Variants in TLK1 observed in about 807,000 individuals in gnomAD.
The protein encoded by TLK1 is tousled like kinase 1.
In TLK1, 24 loss-of-function variants were observed where a neutral mutation model predicts 105.3. The ratio of observed to expected loss-of-function variants is 0.23; its 90% CI spans 0.17 to 0.32. TLK1 has a LOEUF of 0.32. Ranked by LOEUF, TLK1 falls within the 10% of genes least tolerant of loss-of-function variation. The pLI is 1.00. For synonymous variants in TLK1, 321 were observed against 310.4 expected (o/e 1.03, Z -0.36); for missense variants, 558 against 910.5 (o/e 0.61, Z 4.98).
intron 3 of TLK1, among the ~76,000 whole-genome samples, chr2:171,081,955 T>G (rs554972315): frequency 6.6e-6 from 1 of 151,110 alleles, no homozygotes; most frequent in Admixed American, 6.6e-5. Flanking sequence ...ACTAACCAAG[T>G]AGAAAAAAGT....
intron 2 of TLK1, among the ~76,000 whole-genome samples, chr2:171,085,451 T>C (rs548320558): frequency 1.2e-4 from 18 of 151,846 alleles, no homozygotes; most frequent in African/African-American, 3.9e-4. Flanking sequence ...TTGTTGTCAG[T>C]TGTTGTTTTT....
chr2:170,999,750 T>C (rs138439004), intron 18 of TLK1, among the ~76,000 whole-genome samples: 6 of 152,216 alleles, frequency 3.9e-5, no homozygotes, highest in South Asian at 2.1e-4. Context: ...TGAGAATCCA[T>C]GTATGATTTT....
chr2:171,038,819 T>C (rs536144232), intron 11 of TLK1, among the ~76,000 whole-genome samples: 1 of 152,348 alleles, frequency 6.6e-6, no homozygotes, highest in South Asian at 2.1e-4. Flanking sequence ...AGGTATTCTA[T>C]ATATGTCCAT....
chr2:171,032,817 T>C (rs922550269), intron 11 of TLK1, among the ~76,000 whole-genome samples: 2 of 152,054 alleles, frequency 1.3e-5, no homozygotes, highest in African/African-American at 4.8e-5. Context: ...GGGAACCACA[T>C]GCAAAATAAT....
At chr2:171,053,659 C>T (rs1687355703) in intron 8 of TLK1, 102 bp downstream of exon 8, 2 of 918,364 alleles carry the variant, frequency 2.2e-6, no homozygotes, top group African/African-American at 3.4e-5. Context: ...CTGCGCCTGG[C>T]CTAGCTACAG....
chr2:171,117,919 AC>A, intron 1 of TLK1, 62 bp from the exon 2 acceptor site: 2 of 1,153,572 alleles, frequency 1.7e-6, no homozygotes, highest in Non-Finnish European at 2.4e-6. Flanking sequence ...ATACTTACAC[AC>A]ACAAATATAT....
intron 1 of TLK1, among the ~76,000 whole-genome samples, chr2:171,126,130 C>A: frequency 6.6e-6 from 1 of 152,178 alleles, no homozygotes; most frequent in Admixed American, 6.5e-5. Context: ...AACCACCTGT[C>A]TTTTAATTAT....
chr2:171,043,587 G>C (rs1238192839), intron 11 of TLK1, among the ~76,000 whole-genome samples: 1 of 152,092 alleles, frequency 6.6e-6, no homozygotes, highest in African/African-American at 2.4e-5. Flanking sequence ...GGAAGAGGGA[G>C]AGATTATAAA....
chr2:171,090,541 T>C (rs1218424971), intron 2 of TLK1, among the ~76,000 whole-genome samples: 3 of 152,224 alleles, frequency 2.0e-5, no homozygotes, highest in Admixed American at 6.5e-5. Flanking sequence ...GAACTACTTA[T>C]CGCCTATGCT....
intron 2 of TLK1, among the ~76,000 whole-genome samples, chr2:171,094,535 C>T (rs2105494942): frequency 6.6e-6 from 1 of 152,258 alleles, no homozygotes; most frequent in South Asian, 2.1e-4. Context: ...GACATGCAAA[C>T]TCAAAACATG....
intron 1 of TLK1, among the ~76,000 whole-genome samples, chr2:171,165,910 C>CA (rs1186977795): frequency 2.6e-5 from 4 of 151,602 alleles, no homozygotes; most frequent in African/African-American, 9.7e-5. Flanking sequence ...GACCCCATCT[C>CA]AAAAAAAAGA....
chr2:170,996,833 G>C, intron 19 of TLK1, 73 bp from the exon 20 acceptor site: 1 of 1,313,270 alleles, frequency 7.6e-7, no homozygotes. Context: ...TTCTGTTTAA[G>C]CGAATTCCCA....
At chr2:171,110,580 G>C (rs571554677) in intron 2 of TLK1, among the ~76,000 whole-genome samples, 10 of 152,290 alleles carry the variant, frequency 6.6e-5, no homozygotes, top group African/African-American at 2.4e-4. Context: ...AATCTCAAAT[G>C]AATGCATTAT....
chr2:171,105,687 G>GA (rs939576869), intron 2 of TLK1, among the ~76,000 whole-genome samples: 58 of 145,582 alleles, frequency 4.0e-4, no homozygotes, highest in Non-Finnish European at 6.8e-4. Flanking sequence ...ACTCCGTCTC[G>GA]AAAAAAAAAA....
chr2:170,994,857 G>A, intron 20 of TLK1: 1 of 359,324 alleles, frequency 2.8e-6, no homozygotes, highest in Non-Finnish European at 5.5e-6. Flanking sequence ...CTTTTTTGGG[G>A]GGGGAGGGAA....
At chr2:171,166,874 A>G (rs191992495) in intron 1 of TLK1, among the ~76,000 whole-genome samples, 204 of 152,388 alleles carry the variant, frequency 1.3e-3, no homozygotes, top group South Asian at 8.9e-3. Flanking sequence ...ATATTTGTAC[A>G]GTGGGATACT....
At chr2:171,049,467 G>C (rs762514363) in intron 10 of TLK1, among the ~76,000 whole-genome samples, 7 of 152,092 alleles carry the variant, frequency 4.6e-5, no homozygotes, top group Non-Finnish European at 8.8e-5. Context: ...AAAAAACTAA[G>C]TAGGAAAATC....
chr2:171,020,695 GAACCAACCAAAATAAAAGCCAGCC>G (rs1379995343), intron 12 of TLK1, among the ~76,000 whole-genome samples: 3 of 151,942 alleles, frequency 2.0e-5, no homozygotes, highest in African/African-American at 7.3e-5. Context: ...TGTGAGATAT[GAACCAACCAAAATAAAAGCCAGCC>G]AACCAACCAA....
chr2:171,023,613 A>G (rs1685636147), intron 12 of TLK1, among the ~76,000 whole-genome samples: 1 of 152,190 alleles, frequency 6.6e-6, no homozygotes, highest in African/African-American at 2.4e-5. Context: ...TCATATCACA[A>G]ATTTGAGTAA....
Sources: allele counts gnomAD v4.1 joint callset (sites outside exome capture counted in the v4.1 genomes callset), GRCh38; gene constraint gnomAD v4.1.1; transcripts MANE v1.5; gene names NCBI Gene and HGNC (gene_info 2026-07-23, HGNC 2026-07-21).